PCDH15: variants seen among roughly 807,000 people sequenced by gnomAD.
PCDH15 encodes protocadherin-15.
Under a neutral mutation model 178.5 loss-of-function variants are expected in PCDH15, and 129 were observed. The observed-to-expected ratio is 0.72, with a 90% confidence interval of 0.63 to 0.84. The LOEUF is 0.84. PCDH15 is among the 40% of genes least tolerant of loss of function. The probability of loss-of-function intolerance (pLI) is 0.00; values close to 1 mark genes in which losing one functional copy is unlikely to be tolerated. For synonymous variants in PCDH15, 800 were observed against 732.0 expected (o/e 1.09, Z -1.50); for missense variants, 2,230 against 2,099.9 (o/e 1.06, Z -1.21).
intron 2 of PCDH15, among the ~76,000 whole-genome samples, chr10:55,582,238 C>T (rs1419938700): frequency 6.6e-6 from 1 of 152,100 alleles, no homozygotes; most frequent in Admixed American, 6.5e-5. Flanking sequence ...GAAGCTCATC[C>T]AGTCATCCAT....
chr10:54,737,736 ATAAT>A (rs796252663), intron 1 of PCDH15, among the ~76,000 whole-genome samples: 2 of 152,146 alleles, frequency 1.3e-5, no homozygotes, highest in Admixed American at 1.3e-4. Flanking sequence ...TGGCAAATAA[ATAAT>A]TAAATATTAA....
At chr10:53,896,590 CA>C (rs2081968611) in intron 26 of PCDH15, among the ~76,000 whole-genome samples, 1 of 152,120 alleles carries the variant, frequency 6.6e-6, no homozygotes, top group Admixed American at 6.5e-5. Context: ...AGGCCATGGA[CA>C]ACTACCAGTC....
At position 53,805,460 on chromosome 10, in the gene PCDH15, A is replaced by G. The variant is rs1395357039; in HGVS notation, c.*1119T>C. On this transcript the variant is annotated 3_prime_UTR_variant, in exon 38 of 38. Transcript: ENST00000644397. ...TGTTCAATGGTAAAAAATCAAGACC[A>G]TGTTCTTTGATTTTAAAAAATGCCC... is the stretch of plus-strand genomic sequence containing the variant. The G allele has an allele frequency of 6.6e-6, 1 of 152,030 alleles. No homozygotes were observed. The highest frequency in any genetic ancestry group is 2.4e-5 in the African/African-American group (1 of 41,420). 9.4% of individuals were successfully genotyped at this position (152,030 alleles called of 1,614,324 possible).
At chr10:54,562,543 A>T (rs1178809350) in intron 2 of PCDH15, among the ~76,000 whole-genome samples, 4 of 152,162 alleles carry the variant, frequency 2.6e-5, no homozygotes, top group Non-Finnish European at 5.9e-5. Context: ...TCTCTTACAT[A>T]TGAAATTAAC....
chr10:55,209,904 C>A (rs1363875140), intron 1 of PCDH15, among the ~76,000 whole-genome samples: 1 of 151,798 alleles, frequency 6.6e-6, no homozygotes, highest in East Asian at 1.9e-4. Flanking sequence ...GATCAGATAT[C>A]CTAGAAAATA....
intron 3 of PCDH15, among the ~76,000 whole-genome samples, chr10:54,404,661 A>C (rs1489829171): frequency 6.6e-6 from 1 of 152,170 alleles, no homozygotes; most frequent in African/African-American, 2.4e-5. Context: ...GGATCTAATT[A>C]AGCTAAACAG....
At chr10:54,005,166 A>G (rs1006786309) in intron 20 of PCDH15, among the ~76,000 whole-genome samples, 2 of 152,166 alleles carry the variant, frequency 1.3e-5, no homozygotes, top group Admixed American at 6.6e-5. Context: ...TCAAATCAAA[A>G]TTGATTAAAG....
intron 3 of PCDH15, among the ~76,000 whole-genome samples, chr10:54,407,818 G>T (rs369515079): frequency 4.6e-5 from 7 of 152,104 alleles, no homozygotes; most frequent in Non-Finnish European, 1.0e-4. Context: ...CACTTTGGGA[G>T]GATAAGGCGG....
At chr10:54,476,004 C>CAT (rs915450924) in intron 3 of PCDH15, among the ~76,000 whole-genome samples, 15 of 138,194 alleles carry the variant, frequency 1.1e-4, no homozygotes, top group East Asian at 2.5e-4. Context: ...TACATATATG[C>CAT]ATATATATAT....
At chr10:54,292,590 A>C (rs774574490) in intron 8 of PCDH15, among the ~76,000 whole-genome samples, 44 of 152,344 alleles carry the variant, frequency 2.9e-4, no homozygotes, top group Non-Finnish European at 5.6e-4. Flanking sequence ...CTCAGCCCAA[A>C]AATTCCTTAA....
At chr10:54,963,412 A>G (rs1159940906) in intron 2 of PCDH15, among the ~76,000 whole-genome samples, 3 of 152,012 alleles carry the variant, frequency 2.0e-5, no homozygotes, top group Admixed American at 1.3e-4. Flanking sequence ...AAATATCTGT[A>G]TATTTTACAT....
At chr10:55,266,865 T>A (rs952107792) in intron 1 of PCDH15, among the ~76,000 whole-genome samples, 1 of 152,170 alleles carries the variant, frequency 6.6e-6, no homozygotes, top group African/African-American at 2.4e-5. Context: ...CTAATTGAGA[T>A]GACTAACACA....
At chr10:54,562,719 T>C (rs2088376914) in intron 2 of PCDH15, among the ~76,000 whole-genome samples, 2 of 152,262 alleles carry the variant, frequency 1.3e-5, no homozygotes, top group Admixed American at 6.5e-5. Context: ...TCTCTTGATA[T>C]ACAGACAGAA....
intron 10 of PCDH15, among the ~76,000 whole-genome samples, chr10:54,213,710 A>G (rs897502428): frequency 1.3e-5 from 2 of 152,150 alleles, no homozygotes; most frequent in African/African-American, 4.8e-5. Context: ...TACATATAAG[A>G]ATATTTAGTA....
intron 2 of PCDH15, among the ~76,000 whole-genome samples, chr10:55,547,638 G>A (rs536695031): frequency 1.3e-5 from 2 of 152,162 alleles, no homozygotes; most frequent in Admixed American, 6.5e-5. Context: ...CTCTTCCACT[G>A]AGATAAGTAG....
At chr10:54,037,831 G>C (rs867679873) in intron 18 of PCDH15, among the ~76,000 whole-genome samples, 1 of 152,046 alleles carries the variant, frequency 6.6e-6, no homozygotes, top group African/African-American at 2.4e-5. Flanking sequence ...AGTCTGAGGA[G>C]TCTAAATGGA....
At chr10:54,379,691 T>C (rs1192968736) in intron 3 of PCDH15, among the ~76,000 whole-genome samples, 2 of 152,178 alleles carry the variant, frequency 1.3e-5, no homozygotes, top group East Asian at 3.9e-4. Flanking sequence ...ACATGTCGAA[T>C]GCAAACAGCA....
At chr10:54,631,636 C>T (rs530325595) in intron 2 of PCDH15, among the ~76,000 whole-genome samples, 1 of 152,204 alleles carries the variant, frequency 6.6e-6, no homozygotes, top group African/African-American at 2.4e-5. Flanking sequence ...GCACAAAAGC[C>T]AAGTGTATTA....
intron 6 of PCDH15, among the ~76,000 whole-genome samples, chr10:54,343,424 G>C (rs1048744489): frequency 1.3e-5 from 2 of 151,952 alleles, no homozygotes; most frequent in African/African-American, 4.8e-5. Context: ...GGCCTTCCCA[G>C]CCATTTGGAA....
Sources: gnomAD v4.1 joint callset for allele counts (sites outside exome capture counted in the v4.1 genomes callset) on GRCh38, gnomAD v4.1.1 for gene constraint, MANE v1.5 for transcripts, NCBI Gene and HGNC (gene_info 2026-07-23, HGNC 2026-07-21) for gene names.